Variants in COL1A1 observed in about 807,000 individuals in gnomAD.
COL1A1 encodes collagen alpha-1(I) chain.
Under a neutral mutation model 195.7 loss-of-function variants are expected in COL1A1, and 21 were observed. The observed-to-expected ratio is 0.11, with a 90% CI of 0.08 to 0.15. The LOEUF (loss-of-function observed/expected upper bound fraction) is 0.15, where lower values mean the gene tolerates loss of function less well. Among genes scored for constraint, COL1A1 ranks in the 10% least tolerant of loss-of-function variants. COL1A1 has a pLI of 1.00. For synonymous variants in COL1A1, 749 were observed against 747.3 expected (o/e 1.00, Z -0.04); for missense variants, 1,365 against 2,051.0 (o/e 0.67, Z 6.46).
At position 50,189,844 on chromosome 17, in the gene COL1A1, G is replaced by A. The variant is rs1358416226; in HGVS notation, c.2613+15C>T. The stretch of plus-strand genomic sequence containing the variant: ...GAGAGGGGAGAGGCTCAACAGAGAG[G>A]CGGGTGATACTCACAGGGGGACCAG... On this transcript the variant is annotated intron_variant, in intron 37 of 50. Coordinates refer to ENST00000225964, the MANE Select transcript of COL1A1 (RefSeq NM_000088.4). This position sits in a 1 kb window ranked among gnomAD's most constrained non-coding sequence, Gnocchi z 5.5. The A allele has an allele frequency of 6.2e-7, 1 of 1,606,772 alleles. No individual in the cohort carries two copies. Among genetic ancestry groups the A allele is most frequent in the Non-Finnish European group, 8.5e-7 (1 of 1,176,158 alleles).
Position 50,194,647 on chromosome 17 carries a change from A to G in COL1A1, c.1462-21T>C, listed in dbSNP as rs1243406943. 1.9e-6 allele frequency: 3 copies of G among 1,558,334 alleles called. No homozygotes were observed. The highest frequency in any genetic ancestry group is 1.4e-5 in the African/African-American group (1 of 73,304). On this transcript the variant is annotated intron_variant, in intron 21 of 50. Coordinates refer to ENST00000225964, the MANE Select transcript of COL1A1 (RefSeq NM_000088.4). This position sits in a 1 kb window ranked among gnomAD's most constrained non-coding sequence, Gnocchi z 6.8. ...CCACCCTGCAGGAGGAGAGGAGGCC[A>G]GTGAACTCCGCGACACACAGGCACC...
Position 50,193,946 on chromosome 17 carries a change from A to G in COL1A1, c.1764T>C (p.Ala588=), listed in dbSNP as rs1800212. Residue 588 remains alanine, a synonymous_variant, in exon 25 of 51, where the codon GCT becomes GCC. Transcript: ENST00000225964. ...TGGATCCTCACTTAATACTCACAGCAGCACCTTTAGGTCCAGGGAATCCCA... is the reference window on the plus strand; with the variant it reads ...TGGATCCTCACTTAATACTCACAGCGGCACCTTTAGGTCCAGGGAATCCCA... ...GVMGFPGPKG[A]AGEPGKAGER... 7.4e-6 allele frequency: 12 copies of G among 1,613,854 alleles called. No homozygotes were observed. Among genetic ancestry groups the G allele is most frequent in the Non-Finnish European group, 1.0e-5 (12 of 1,179,862 alleles).
rs752506222 is a variant in COL1A1, at chr17:50,185,816, T to C, written c.4210A>G (p.Ser1404Gly). ...ACAGTGACGCTGTAGGTGAAGCGGC[T>C]GTTGCCCTCGGCGCGGATCTCGATC... is the stretch of plus-strand genomic sequence containing the variant. The part of the protein sequence containing the change: ...NEIEIRAEGN[S>G]RFTYSVTVDG... Residue 1404 changes from serine to glycine, a missense_variant, in exon 50 of 51, where the codon AGC (serine) becomes GGC (glycine). Coordinates refer to ENST00000225964, the MANE Select transcript of COL1A1 (RefSeq NM_000088.4). 8.7e-6 allele frequency: 14 copies of C among 1,613,876 alleles called. No individual in the cohort carries two copies. Among genetic ancestry groups the C allele is most frequent in the Non-Finnish European group, 1.2e-5 (14 of 1,179,990 alleles).
At chr17:50,192,357 T>A in intron 29 of COL1A1, 118 bp downstream of exon 29, 1 of 1,211,006 alleles carries the variant, frequency 8.3e-7, no homozygotes, top group South Asian at 1.3e-5. Context: ...GAGGAAGTTC[T>A]TTCCGGCGTC....
chr17:50,189,928 G>A lies in COL1A1; in HGVS notation c.2560-16C>T, dbSNP rs760137108. ...CAACATTACCCTGTAGGAGAGCACA[G>A]AGGCATCAAGCCTGGACCCGTCCTG... is the stretch of plus-strand genomic sequence containing the variant. On this transcript the variant is annotated splice_polypyrimidine_tract_variant and intron_variant, in intron 36 of 50. Transcript: ENST00000225964. This position sits in a 1 kb window ranked among gnomAD's most constrained non-coding sequence, Gnocchi z 5.5. 1.2e-6 allele frequency: 2 copies of A among 1,611,890 alleles called. No individual in the cohort carries two copies. Among genetic ancestry groups the A allele is most frequent in the Admixed American group, 3.4e-5 (2 of 59,696 alleles).
rs772297818 is a variant in COL1A1, at chr17:50,188,839, G to A, written c.3046-44C>T. 3 of 1,609,612 alleles carry A rather than the reference G, an allele frequency of 1.9e-6. No homozygotes were observed. Among genetic ancestry groups the A allele is most frequent in the Admixed American group, 1.7e-5 (1 of 59,990 alleles). On this transcript the variant is annotated intron_variant, in intron 41 of 50. Transcript: ENST00000225964. The surrounding 1 kb of genome is among the most constrained non-coding windows in gnomAD (Gnocchi z 5.6). ...AGAAGTGAGAGTCAGCCGGGGAAGA[G>A]GGCTTAGGCAAGGCCACAATGGCCA...
At position 50,190,199 on chromosome 17, in the gene COL1A1, T is replaced by G. The variant is rs139202938; in HGVS notation, c.2452-91A>C. On this transcript the variant is annotated intron_variant, in intron 35 of 50. Transcript: ENST00000225964. The surrounding 1 kb of genome is among the most constrained non-coding windows in gnomAD (Gnocchi z 4.7). ...AGCAGTAATGGAGGCAGGAAGATGCTTGGGTGGGAAACAATCCCGTCTCCA... is the reference window on the plus strand; with the variant it reads ...AGCAGTAATGGAGGCAGGAAGATGCGTGGGTGGGAAACAATCCCGTCTCCA... 118 of 1,302,134 alleles carry G rather than the reference T, an allele frequency of 9.1e-5. No homozygotes were observed. Among genetic ancestry groups the G allele is most frequent in the Non-Finnish European group, 1.2e-4 (112 of 896,972 alleles). The allele number at this position is 1,302,134 out of a possible 1,614,324, so 80.7% of individuals were successfully genotyped here. A position where few individuals can be genotyped will look rare whatever the true frequency, so the allele number is the denominator to read the frequency against.
rs73987442 is a variant in COL1A1 at position 50,184,269 on chromosome 17, C to T, written c.*1233G>A. The T allele has an allele frequency of 3.7e-3, 846 of 231,244 alleles. 9 individuals are homozygous for T. The highest frequency in any genetic ancestry group is 0.017 in the African/African-American group (784 of 45,216). 14.3% of individuals were successfully genotyped at this position (231,244 alleles called of 1,614,324 possible). A position where few individuals can be genotyped will look rare whatever the true frequency, so the allele number is the denominator to read the frequency against. On this transcript the variant is annotated 3_prime_UTR_variant, in exon 51 of 51. Coordinates refer to ENST00000225964, the MANE Select transcript of COL1A1 (RefSeq NM_000088.4). Reference sequence around the variant, plus strand: ...GTCTCTGAAACCCGGGGACAGAGGACGCAGGACAGACTAGGAGGGAGCCGG... The same window carrying T: ...GTCTCTGAAACCCGGGGACAGAGGATGCAGGACAGACTAGGAGGGAGCCGG...
chr17:50,196,353 C>A lies in COL1A1; in HGVS notation c.918G>T (p.Leu306=), dbSNP rs769021257. ...GAPGQMGPRG[L]PGERGRPGAP... is the part of the protein sequence containing the mutation. ...CTCCAGGGCGACCTCTCTCACCAGG[C>A]AGGCCACGGGGGCCCTGACAACCAA... Residue 306 remains leucine (L), a synonymous_variant, in exon 14 of 51, where the codon CTG becomes CTT. Coordinates refer to ENST00000225964, the MANE Select transcript of COL1A1 (RefSeq NM_000088.4). The A allele has an allele frequency of 7.4e-6, 12 of 1,612,974 alleles. No homozygotes were observed. Among genetic ancestry groups the A allele is most frequent in the Non-Finnish European group, 8.5e-6 (10 of 1,179,418 alleles).
At position 50,188,519 on chromosome 17, in the gene COL1A1, C is replaced by T. The variant is rs750647303; in HGVS notation, c.3207+11G>A. 8.1e-6 allele frequency: 13 copies of T among 1,613,366 alleles called. No individual in the cohort carries two copies. In the South Asian group the frequency reaches 1.4e-4, roughly 18 times the overall value. ...TGACCAGGTACAGGGAACTGGAGCC[C>T]AGCTACTTACAGTCTCACCACGATC... On this transcript the variant is annotated intron_variant, in intron 43 of 50. Coordinates refer to ENST00000225964, the MANE Select transcript of COL1A1 (RefSeq NM_000088.4). The surrounding 1 kb of genome is among the most constrained non-coding windows in gnomAD (Gnocchi z 5.6).
At chr17:50,199,649 A>T in intron 2 of COL1A1, 59 bp from the exon 3 acceptor site, 1 of 1,612,712 alleles carries the variant, frequency 6.2e-7, no homozygotes, top group East Asian at 2.2e-5. Flanking sequence ...TCCCGTCGGC[A>T]GAGGCCTCCA....
At position 50,196,473 on chromosome 17, in the gene COL1A1, G is replaced by A. The variant is rs755459694; in HGVS notation, c.903+11C>T. The stretch of plus-strand genomic sequence containing the variant: ...GCCCCATCCCTGCCCTCTGGAACTG[G>A]GCACACTCACCATCTGACCAGGAGC... On this transcript the variant is annotated intron_variant, in intron 13 of 50. Transcript: ENST00000225964. The A allele has an allele frequency of 3.7e-6, 6 of 1,614,162 alleles. No individual in the cohort carries two copies. Among genetic ancestry groups the A allele is most frequent in the Non-Finnish European group, 5.1e-6 (6 of 1,180,038 alleles).
chr17:50,191,506 GA>G lies in COL1A1; in HGVS notation c.2128-17del. ...CAGCATCACCCTATGTGACAACCAA[GA>G]AGACTGGAGTGAGGCCTGGGGCCCC... On this transcript the variant is annotated splice_polypyrimidine_tract_variant and intron_variant, in intron 31 of 50. Transcript: ENST00000225964. The G allele has an allele frequency of 1.9e-6, 3 of 1,611,876 alleles. No homozygotes were observed. Among genetic ancestry groups the G allele is most frequent in the Non-Finnish European group, 2.5e-6 (3 of 1,178,358 alleles).
chr17:50,199,835 G>A lies in COL1A1; in HGVS notation c.216C>T (p.Asp72=). The A allele has an allele frequency of 6.2e-7, 1 of 1,614,186 alleles. No individual in the cohort carries two copies. The highest frequency in any genetic ancestry group is 8.5e-7 in the Non-Finnish European group (1 of 1,180,034). Reference sequence around the variant, plus strand: ...AGTTCTTGGTCTCGTCACAGATCACGTCATCGCACAACACCTTGCCGTTGT... The same window carrying A: ...AGTTCTTGGTCTCGTCACAGATCACATCATCGCACAACACCTTGCCGTTGT... ...VCDNGKVLCD[D]VICDETKNCP... is the part of the protein sequence containing the mutation. Residue 72 remains aspartate, a synonymous_variant, in exon 2 of 51, where the codon GAC becomes GAT. Transcript: ENST00000225964.
At chr17:50,187,450 G>T in intron 46 of COL1A1, 34 bp downstream of exon 46, 1 of 1,611,594 alleles carries the variant, frequency 6.2e-7, no homozygotes, top group Non-Finnish European at 8.5e-7. Flanking sequence ...CTGGGCTTGG[G>T]GCTCAGGAAG....
chr17:50,188,980 C>T lies in COL1A1; in HGVS notation c.2968G>A (p.Ala990Thr). Residue 990 changes from alanine to threonine, a missense_variant, in exon 41 of 51, where the codon GCA (alanine) becomes ACA (threonine). Physicochemically the swap from Ala to Thr is moderately conservative, Grantham distance 58. Transcript: ENST00000225964. The surrounding 1 kb of genome is among the most constrained non-coding windows in gnomAD (Gnocchi z 5.6). ...GEPGKQGPSG[A>T]SGERGPPGPM... The stretch of plus-strand genomic sequence containing the variant: ...CCAGGGGGACCACGTTCACCACTTG[C>T]TCCAGAGGGACCTTGTTTGCCAGGT... The T allele has an allele frequency of 6.2e-7, 1 of 1,612,802 alleles. No individual in the cohort carries two copies. Among genetic ancestry groups the T allele is most frequent in the Non-Finnish European group, 8.5e-7 (1 of 1,179,324 alleles).
chr17:50,192,253 G>C (rs1402171497), intron 29 of COL1A1: 2 of 724,152 alleles, frequency 2.8e-6, no homozygotes, highest in East Asian at 2.7e-5. Context: ...AGGGTTGAGG[G>C]AAAGTCACAG....
At position 50,186,878 on chromosome 17, in the gene COL1A1, G is replaced by A. The variant is rs1906587842; in HGVS notation, c.3576C>T (p.Pro1192=). 4.3e-6 allele frequency: 7 copies of A among 1,613,898 alleles called. No homozygotes were observed. The Admixed American group carries it at 6.7e-5, about 15-fold the overall frequency. The change falls in exon 48 of 51, where the codon CCC becomes CCT. Residue 1192 remains proline (P), a synonymous_variant. Coordinates refer to ENST00000225964, the MANE Select transcript of COL1A1 (RefSeq NM_000088.4). The surrounding 1 kb of genome is among the most constrained non-coding windows in gnomAD (Gnocchi z 5.3). Reference sequence around the variant, plus strand: ...GGAAGCTGAAGTCGAAACCAGCGCTGGGAGGACCAGGGGGACCAGGAGGTC... The same window carrying A: ...GGAAGCTGAAGTCGAAACCAGCGCTAGGAGGACCAGGGGGACCAGGAGGTC... ...PPGPPGPPGP[P]SAGFDFSFLP...
chr17:50,201,269 G>T, intron 1 of COL1A1, 142 bp downstream of exon 1: 1 of 800,964 alleles, frequency 1.2e-6, no homozygotes. Context: ...CTGTCTCAGG[G>T]CGCCGAGGAA....
Sources: gnomAD v4.1 joint callset for allele counts on GRCh38, gnomAD v4.1.1 for gene constraint, Gnocchi (gnomAD v3.1) non-coding constraint, MANE v1.5 for transcripts, NCBI Gene and HGNC (gene_info 2026-07-23, HGNC 2026-07-21) for gene names.